Variants in CHRNA7 observed in about 807,000 individuals in gnomAD.
The protein encoded by CHRNA7 is neuronal acetylcholine receptor subunit alpha-7.
In CHRNA7, 17 loss-of-function variants were observed where a neutral mutation model predicts 48.0. That is an observed-to-expected ratio of 0.35 (90% CI 0.24 to 0.53). The LOEUF is 0.53. Ranked by LOEUF, CHRNA7 falls within the 20% of genes least tolerant of loss-of-function variation. The pLI is 0.92. For synonymous variants in CHRNA7, 75 were observed against 242.3 expected, an observed-to-expected ratio of 0.31 and a Z score of 6.41; for missense variants, 155 against 577.7, an observed-to-expected ratio of 0.27 and a Z score of 7.50.
At position 32,031,043 on chromosome 15, in the gene CHRNA7, T is replaced by C; in HGVS notation, c.195+6T>C. ...TCCTGCAGATCATGGACGTGGTGAG[T>C]CCCGCCTGGCTACAGGGCTGCCCTC... On this transcript the variant is annotated splice_donor_region_variant and intron_variant, in intron 2 of 9. Transcript: ENST00000306901. 6.2e-7 allele frequency: 1 copy of C among 1,613,996 alleles called. No homozygotes were observed. The highest frequency in any genetic ancestry group is 1.3e-5 in the African/African-American group (1 of 75,038).
At chr15:32,052,825 A>T (rs2049715433) in intron 2 of CHRNA7, among the ~76,000 whole-genome samples, 1 of 152,220 alleles carries the variant, frequency 6.6e-6, no homozygotes, top group Non-Finnish European at 1.5e-5. Flanking sequence ...TAGTAGAGAA[A>T]TTATAGTTAA....
At chr15:32,098,171 G>A (rs757606911) in intron 2 of CHRNA7, among the ~76,000 whole-genome samples, 10 of 152,036 alleles carry the variant, frequency 6.6e-5, no homozygotes, top group Non-Finnish European at 1.3e-4. Flanking sequence ...CAAGGAAGTT[G>A]AGTGCAGAGC....
chr15:32,038,169 A>G (rs1481842458), intron 2 of CHRNA7, among the ~76,000 whole-genome samples: 2 of 147,934 alleles, frequency 1.4e-5, no homozygotes, highest in African/African-American at 2.5e-5. Flanking sequence ...ATATTTATTT[A>G]CATTTATATA....
chr15:32,055,717 T>C (rs979157868), intron 2 of CHRNA7, among the ~76,000 whole-genome samples: 10 of 152,186 alleles, frequency 6.6e-5, no homozygotes, highest in Non-Finnish European at 1.0e-4. Flanking sequence ...TGGTGGCTCA[T>C]GCCTGTAATC....
chr15:32,109,868 G>A (rs1051016575), intron 3 of CHRNA7, among the ~76,000 whole-genome samples: 10 of 152,160 alleles, frequency 6.6e-5, no homozygotes, highest in Admixed American at 4.6e-4. Context: ...TGGGGTGTGC[G>A]GGGTGTGGGG....
chr15:32,059,330 C>A (rs903455804), intron 2 of CHRNA7, among the ~76,000 whole-genome samples: 1 of 152,120 alleles, frequency 6.6e-6, no homozygotes, highest in Non-Finnish European at 1.5e-5. Flanking sequence ...ATGGATTATG[C>A]AGTAGCCAAG....
At chr15:32,139,159 T>C (rs1390742387) in intron 4 of CHRNA7, among the ~76,000 whole-genome samples, 3 of 152,252 alleles carry the variant, frequency 2.0e-5, no homozygotes, top group East Asian at 3.8e-4. Flanking sequence ...TTTGGTAATA[T>C]GCATTTAAGG....
At chr15:32,115,797 A>G (rs987048036) in intron 4 of CHRNA7, among the ~76,000 whole-genome samples, 2 of 152,114 alleles carry the variant, frequency 1.3e-5, no homozygotes, top group African/African-American at 2.4e-5. Context: ...GGAGAGAGGA[A>G]GGGAGGGTGC....
intron 2 of CHRNA7, among the ~76,000 whole-genome samples, chr15:32,059,237 C>T (rs1422019154): frequency 6.6e-6 from 1 of 152,126 alleles, no homozygotes; most frequent in East Asian, 1.9e-4. Context: ...CTCCTGACGT[C>T]AGGTGATGTG....
intron 2 of CHRNA7, among the ~76,000 whole-genome samples, chr15:32,072,499 T>C (rs148150619): frequency 1.3e-3 from 192 of 152,266 alleles, no homozygotes; most frequent in African/African-American, 4.4e-3. Context: ...CAAAAGAGAT[T>C]TGCATGACTA....
chr15:32,114,093 C>T lies in CHRNA7; in HGVS notation c.350+2194C>T, dbSNP rs535240115. On this transcript the variant is annotated intron_variant, in intron 4 of 9. Coordinates refer to ENST00000306901, the MANE Select transcript of CHRNA7 (RefSeq NM_000746.6). The stretch of plus-strand genomic sequence containing the variant: ...ATATATATACACATACATACATACA[C>T]ACACACATATACACACACACATACA... Among the ~76,000 whole-genome samples, 958 of 122,334 alleles carry T rather than the reference C, an allele frequency of 7.8e-3. 11 individuals carry two copies. The highest frequency in any genetic ancestry group is 0.025 in the African/African-American group (907 of 36,682). 80.3% of individuals were successfully genotyped at this position (122,334 alleles called of 152,430 possible).
chr15:32,124,651 C>A (rs1026565710), intron 4 of CHRNA7, among the ~76,000 whole-genome samples: 6 of 151,338 alleles, frequency 4.0e-5, no homozygotes, highest in Non-Finnish European at 8.8e-5. Flanking sequence ...GGTGAATCCA[C>A]CTCAAAGTCA....
At chr15:32,109,571 A>T (rs1220763951) in intron 3 of CHRNA7, among the ~76,000 whole-genome samples, 1 of 152,212 alleles carries the variant, frequency 6.6e-6, no homozygotes, top group Non-Finnish European at 1.5e-5. Flanking sequence ...AAAACAGCAG[A>T]TGGGCAGCAG....
intron 2 of CHRNA7, among the ~76,000 whole-genome samples, chr15:32,070,367 A>G (rs2050034027): frequency 6.6e-6 from 1 of 152,136 alleles, no homozygotes; most frequent in Admixed American, 6.5e-5. Context: ...AGTTCTTTAT[A>G]TATTCCAGAG....
At chr15:32,095,269 C>G (rs2050448929) in intron 2 of CHRNA7, among the ~76,000 whole-genome samples, 1 of 152,180 alleles carries the variant, frequency 6.6e-6, no homozygotes, top group African/African-American at 2.4e-5. Flanking sequence ...GCCAAGCTCC[C>G]CATCAGCAGC....
intron 2 of CHRNA7, among the ~76,000 whole-genome samples, chr15:32,045,983 A>G (rs575732902): frequency 1.3e-5 from 2 of 151,164 alleles, no homozygotes; most frequent in South Asian, 4.2e-4. Context: ...CCATGTCCCT[A>G]CAAAGGACAT....
chr15:32,134,684 C>T (rs1409724184), intron 4 of CHRNA7, among the ~76,000 whole-genome samples: 1 of 152,214 alleles, frequency 6.6e-6, no homozygotes, highest in Non-Finnish European at 1.5e-5. Context: ...GACTCTTAAA[C>T]ACTTAAGACA....
chr15:32,115,136 G>A (rs2050846696), intron 4 of CHRNA7, among the ~76,000 whole-genome samples: 1 of 152,204 alleles, frequency 6.6e-6, no homozygotes, highest in African/African-American at 2.4e-5. Flanking sequence ...AGAGTAGGCA[G>A]GAGCCCAGCT....
chr15:32,092,206 GTTCCT>G (rs2050395395), intron 2 of CHRNA7, among the ~76,000 whole-genome samples: 1 of 152,102 alleles, frequency 6.6e-6, no homozygotes. Flanking sequence ...TGTCTGTTTT[GTTCCT>G]TTCTGTTTCT....
Sources: gnomAD v4.1 joint callset for allele counts (sites outside exome capture counted in the v4.1 genomes callset) on GRCh38, gnomAD v4.1.1 for gene constraint, MANE v1.5 for transcripts, NCBI Gene and HGNC (gene_info 2026-07-23, HGNC 2026-07-21) for gene names.